Variants in APBA1 observed in about 807,000 individuals in gnomAD.
APBA1 encodes amyloid beta precursor protein binding family A member 1.
APBA1 carries 55 observed loss-of-function variants against 86.6 expected under a neutral mutation model. That is an observed-to-expected ratio of 0.64 (90% CI 0.51 to 0.80). APBA1 has a LOEUF of 0.80. APBA1 is among the 30% of genes least tolerant of loss of function. The probability of loss-of-function intolerance (pLI) is 0.00; values close to 1 mark genes in which losing one functional copy is unlikely to be tolerated. For synonymous variants in APBA1, 511 were observed against 493.9 expected, an observed-to-expected ratio of 1.03 and a Z score of -0.46; for missense variants, 1,090 against 1,183.0, an observed-to-expected ratio of 0.92 and a Z score of 1.15.
intron 1 of APBA1, among the ~76,000 whole-genome samples, chr9:69,570,861 AT>A (rs1292739946): frequency 1.3e-5 from 2 of 152,114 alleles, no homozygotes; most frequent in African/African-American, 4.8e-5. Flanking sequence ...TAGAACTTCC[AT>A]TTTCCCTCTT....
chr9:69,543,228 G>A (rs1434490524), intron 1 of APBA1, among the ~76,000 whole-genome samples: 2 of 152,168 alleles, frequency 1.3e-5, no homozygotes, highest in Non-Finnish European at 2.9e-5. Context: ...TGGACTGCGG[G>A]CTGCTGGCAG....
At position 69,516,918 on chromosome 9, in the gene APBA1, G is replaced by A. The variant is rs749798879; in HGVS notation, c.293C>T (p.Ala98Val). 1 of 1,594,544 alleles carries A rather than the reference G, an allele frequency of 6.3e-7. No individual in the cohort carries two copies. The highest frequency in any genetic ancestry group is 8.5e-7 in the Non-Finnish European group (1 of 1,177,190). Reference sequence around the variant, plus strand: ...CGCATCGTAGCCGTCGCGGGCCGCGGCGATCACGTCGCCCTCGGCGGTGTC... The same window carrying A: ...CGCATCGTAGCCGTCGCGGGCCGCGACGATCACGTCGCCCTCGGCGGTGTC... ...HTDTAEGDVI[A>V]AARDGYDAER... Residue 98 changes from alanine (A) to valine (V), a missense_variant, in exon 2 of 13, where the codon GCC (alanine) becomes GTC (valine). Ala to Val is a moderately conservative substitution (Grantham distance 64). Coordinates refer to ENST00000265381, the MANE Select transcript of APBA1 (RefSeq NM_001163.4). This position sits in a 1 kb window ranked among gnomAD's most constrained non-coding sequence, Gnocchi z 7.3.
intron 11 of APBA1, among the ~76,000 whole-genome samples, chr9:69,436,683 A>T (rs1203057265): frequency 1.3e-5 from 2 of 151,590 alleles, no homozygotes; most frequent in South Asian, 4.2e-4. Context: ...GGGCTGAGAC[A>T]GTGGGGTTTT....
intron 1 of APBA1, among the ~76,000 whole-genome samples, chr9:69,572,807 A>G (rs1016276833): frequency 5.3e-5 from 8 of 152,236 alleles, no homozygotes; most frequent in African/African-American, 1.7e-4. Context: ...AACAGTAGAT[A>G]CTAAGCTGTT....
chr9:69,528,093 C>T (rs1457412621), intron 1 of APBA1, among the ~76,000 whole-genome samples: 1 of 151,982 alleles, frequency 6.6e-6, no homozygotes. Context: ...GGCTAGTGGC[C>T]ACATCTTTAA....
chr9:69,658,296 C>CTTTCTTTCTT (rs1419845095), intron 1 of APBA1, among the ~76,000 whole-genome samples: 11 of 37,890 alleles, frequency 2.9e-4, no homozygotes, highest in Admixed American at 5.5e-4. Flanking sequence ...CTCTCTCTTT[C>CTTTCTTTCTT]TCTCTCTCTC....
At chr9:69,581,259 G>T (rs1269507468) in intron 1 of APBA1, among the ~76,000 whole-genome samples, 1 of 152,134 alleles carries the variant, frequency 6.6e-6, no homozygotes, top group Non-Finnish European at 1.5e-5. Flanking sequence ...TTATATGTTT[G>T]CATGGCCACT....
At position 69,503,573 on chromosome 9, in the gene APBA1, G is replaced by A. The variant is rs1334432729; in HGVS notation, c.1200+12438C>T. On this transcript the variant is annotated intron_variant, in intron 2 of 12. Transcript: ENST00000265381. ...ATACTCTTCCCTGCTGAGCTACAAC[G>A]CATATTATTATTGCATTTCTTGCCA... 2.6e-5 allele frequency among the ~76,000 whole-genome samples: 4 copies of A among 151,944 alleles called. No homozygotes were observed. In the South Asian group the frequency reaches 6.2e-4, roughly 24 times the overall value.
intron 5 of APBA1, chr9:69,465,391 C>T (rs1024382441): frequency 6.6e-6 from 1 of 152,206 alleles, no homozygotes; most frequent in African/African-American, 2.4e-5. Flanking sequence ...AGAACTATGT[C>T]TCTATGTCTC....
chr9:69,662,871 T>G (rs1446282134), intron 1 of APBA1, among the ~76,000 whole-genome samples: 5 of 152,154 alleles, frequency 3.3e-5, no homozygotes. Flanking sequence ...TCTATTCTTC[T>G]TACTCCACTT....
At chr9:69,439,472 C>CCTAT (rs558114407) in intron 11 of APBA1, among the ~76,000 whole-genome samples, 7 of 151,748 alleles carry the variant, frequency 4.6e-5, no homozygotes, top group Non-Finnish European at 1.0e-4. Flanking sequence ...AGGCTTTGTT[C>CCTAT]CTATCTATCT....
At chr9:69,497,746 C>T (rs543276660) in intron 2 of APBA1, among the ~76,000 whole-genome samples, 3 of 152,082 alleles carry the variant, frequency 2.0e-5, no homozygotes, top group South Asian at 4.1e-4. Context: ...CTGACATAGC[C>T]CCCTGCACCA....
In APBA1 at chr9:69,593,240, A is replaced by ATTTTTTTTTT. The variant is rs1564086488; in HGVS notation, c.-69-75962_-69-75961insAAAAAAAAAA. On this transcript the variant is annotated intron_variant, in intron 1 of 12. Transcript: ENST00000265381. ...TCTTTCTTCTTATCAGAATATTTGG[A>ATTTTTTTTTT]GGCTGATATAAATACACTTGTGCTT... Among the ~76,000 whole-genome samples, 645 of 152,314 alleles carry ATTTTTTTTTT rather than the reference A, an allele frequency of 4.2e-3. 6 individuals are homozygous for ATTTTTTTTTT. The highest frequency in any genetic ancestry group is 0.015 in the African/African-American group (610 of 41,564).
chr9:69,668,056 CT>C (rs1823876008), intron 1 of APBA1, among the ~76,000 whole-genome samples: 1 of 152,134 alleles, frequency 6.6e-6, no homozygotes, highest in Non-Finnish European at 1.5e-5. Flanking sequence ...TTCCTGTCCT[CT>C]TCTTTCTCTT....
At chr9:69,656,222 C>T (rs765058677) in intron 1 of APBA1, among the ~76,000 whole-genome samples, 2 of 152,186 alleles carry the variant, frequency 1.3e-5, no homozygotes, top group African/African-American at 4.8e-5. Context: ...CCGGCAATAT[C>T]TCTAAAGCTA....
Position 69,445,695 on chromosome 9 carries a change from GAATT to G in APBA1, c.2181+3885_2181+3888del, listed in dbSNP as rs1363878672. Among the ~76,000 whole-genome samples, 5 of 152,226 alleles carry G rather than the reference GAATT, an allele frequency of 3.3e-5. No individual in the cohort carries two copies. In the East Asian group the frequency reaches 9.7e-4, roughly 29 times the overall value. On this transcript the variant is annotated intron_variant, in intron 10 of 12. Coordinates refer to ENST00000265381, the MANE Select transcript of APBA1 (RefSeq NM_001163.4). ...CCACCCACCAATAATTATGCCTTGGGAATTAATTATGACCCAAAAAATAAGGTAG... is the reference window on the plus strand; with the variant it reads ...CCACCCACCAATAATTATGCCTTGGGAATTATGACCCAAAAAATAAGGTAG...
At chr9:69,645,026 G>A (rs975656012) in intron 1 of APBA1, among the ~76,000 whole-genome samples, 2 of 152,094 alleles carry the variant, frequency 1.3e-5, no homozygotes, top group Admixed American at 6.5e-5. Context: ...TGGGAGTGGG[G>A]GACTGGGGGT....
chr9:69,652,707 C>T (rs1823530875), intron 1 of APBA1, among the ~76,000 whole-genome samples: 1 of 152,130 alleles, frequency 6.6e-6, no homozygotes, highest in African/African-American at 2.4e-5. Flanking sequence ...AAACAAGACC[C>T]TGGCTGGGCG....
At chr9:69,658,327 TTTC>T (rs1823677248) in intron 1 of APBA1, among the ~76,000 whole-genome samples, 1 of 139,512 alleles carries the variant, frequency 7.2e-6, no homozygotes, top group Non-Finnish European at 1.5e-5. Context: ...TCTTTCTTTC[TTTC>T]TTTCTTTCTT....
Sources: allele counts gnomAD v4.1 joint callset (sites outside exome capture counted in the v4.1 genomes callset), GRCh38; gene constraint gnomAD v4.1.1; non-coding constraint Gnocchi (gnomAD v3.1); transcripts MANE v1.5; gene names NCBI Gene and HGNC (gene_info 2026-07-23, HGNC 2026-07-21).